The following PRR33 variants were observed in gnomAD, a reference collection of about 807,000 sequenced individuals.
The protein encoded by PRR33 is proline rich 33.
PRR33 carries 1 observed loss-of-function variant against 0.5 expected under a neutral mutation model. The observed-to-expected ratio is 2.18, with a 90% CI of 0.77 to 10.34. The LOEUF (loss-of-function observed/expected upper bound fraction) is 10.34, where lower values mean the gene tolerates loss of function less well. PRR33 is among the 30% of genes most tolerant of loss of function. The probability of loss-of-function intolerance (pLI) is 0.13; values close to 1 mark genes in which losing one functional copy is unlikely to be tolerated. For missense variants in PRR33, 552 were observed against 251.8 expected (o/e 2.19, Z -8.07); for synonymous variants, 226 against 110.0 (o/e 2.06, Z -6.60).
the PRR33 span, among the ~76,000 whole-genome samples, chr11:1,915,216 T>G: frequency 1.4e-5 from 2 of 141,470 alleles, no homozygotes; most frequent in South Asian, 4.6e-4. Context: ...GTGTGTGTCT[T>G]GTGGGGTGTA....
At chr11:1,910,299 G>T in the PRR33 span, among the ~76,000 whole-genome samples, 2 of 152,216 alleles carry the variant, frequency 1.3e-5, no homozygotes, top group African/African-American at 4.8e-5. Context: ...GCCCAGACTG[G>T]AGTGCAGTGG....
chr11:1,900,436 C>T, the PRR33 span, among the ~76,000 whole-genome samples: 40 of 152,062 alleles, frequency 2.6e-4, no homozygotes, highest in Admixed American at 2.6e-3. Context: ...ATTAGAGTTC[C>T]GGGAATTTTT....
the PRR33 span, among the ~76,000 whole-genome samples, chr11:1,907,124 G>C: frequency 6.6e-6 from 1 of 152,214 alleles, no homozygotes; most frequent in Non-Finnish European, 1.5e-5. Context: ...TGTCTGTTCT[G>C]TGTTGCTGTT....
At chr11:1,912,975 A>G in the PRR33 span, among the ~76,000 whole-genome samples, 3 of 151,800 alleles carry the variant, frequency 2.0e-5, no homozygotes, top group South Asian at 4.2e-4. Context: ...TTAACCTCCT[A>G]TGTTTCTTAT....
At position 1,890,175 on chromosome 11, in the gene PRR33, G is replaced by A. The variant is rs1399995018; in HGVS notation, c.410C>T (p.Thr137Ile). The change falls in exon 1 of 1, where the codon ACC becomes ATC. Residue 137 changes from threonine to isoleucine, a missense_variant. Thr to Ile is a moderately conservative substitution (Grantham distance 89). Coordinates refer to ENST00000640310, the Ensembl canonical transcript of PRR33. ...TTGAGCAGCTAGAATCCTGCGCTGG[G>A]TGAGGCCGATGGAGAACGTGGACTT... 8 of 717,006 alleles carry A rather than the reference G, an allele frequency of 1.1e-5. No individual in the cohort carries two copies. The African/African-American group carries it at 1.4e-4, about 13-fold the overall frequency. The allele number at this position is 717,006 out of a possible 1,614,324, so 44.4% of individuals were successfully genotyped here. A position where few individuals can be genotyped will look rare whatever the true frequency, so the allele number is the denominator to read the frequency against.
At chr11:1,907,045 C>T in the PRR33 span, among the ~76,000 whole-genome samples, 2 of 152,250 alleles carry the variant, frequency 1.3e-5, no homozygotes, top group Non-Finnish European at 2.9e-5. Flanking sequence ...GAGGCCAATT[C>T]CCAGCCCGGG....
At chr11:1,897,515 G>A in the PRR33 span, among the ~76,000 whole-genome samples, 2 of 152,190 alleles carry the variant, frequency 1.3e-5, no homozygotes, top group Non-Finnish European at 2.9e-5. This position sits in a 1 kb window ranked among gnomAD's most constrained non-coding sequence, Gnocchi z 4.0. Flanking sequence ...ATGGTGTTGC[G>A]TTTAGCTTGC....
the PRR33 span, among the ~76,000 whole-genome samples, chr11:1,917,161 G>A: frequency 6.7e-6 from 1 of 150,162 alleles, no homozygotes; most frequent in African/African-American, 2.4e-5. Context: ...GGCAGTGATT[G>A]AGCCCACAGC....
the PRR33 span, among the ~76,000 whole-genome samples, chr11:1,913,809 G>A: frequency 1.8e-4 from 28 of 152,334 alleles, no homozygotes; most frequent in African/African-American, 5.3e-4. Context: ...AGTCCTAGAC[G>A]CCTCACCCCG....
the PRR33 span, among the ~76,000 whole-genome samples, chr11:1,901,612 A>C: frequency 1.3e-5 from 2 of 152,194 alleles, no homozygotes; most frequent in Non-Finnish European, 2.9e-5. Context: ...CCTTCAAAAA[A>C]GATAACTCTT....
At chr11:1,905,998 T>C in the PRR33 span, among the ~76,000 whole-genome samples, 3 of 151,212 alleles carry the variant, frequency 2.0e-5, no homozygotes, top group African/African-American at 4.9e-5. Context: ...TATTTTTTTT[T>C]TTTTTTTTGG....
the PRR33 span, among the ~76,000 whole-genome samples, chr11:1,906,559 T>C: frequency 0.04 from 6,093 of 152,268 alleles, 160 homozygotes; most frequent in African/African-American, 0.068. Context: ...TGTTCTGGAA[T>C]GTAGCTGTTT....
At chr11:1,889,593 T>C (rs565122998) in exon 1 of PRR33, 5 of 611,818 alleles carry the variant, frequency 8.2e-6, no homozygotes, top group African/African-American at 1.9e-5. Context: ...GGGTGCAACT[T>C]TGGGGACAGG....
chr11:1,894,247 G>GTA (rs1490568762), upstream of PRR33, among the ~76,000 whole-genome samples: 1 of 150,728 alleles, frequency 6.6e-6, no homozygotes, highest in African/African-American at 2.4e-5. Flanking sequence ...GTGTGTGTGT[G>GTA]TGTGTGTCAG....
the PRR33 span, among the ~76,000 whole-genome samples, chr11:1,913,697 C>A: frequency 1.3e-5 from 2 of 152,260 alleles, no homozygotes; most frequent in African/African-American, 2.4e-5. Context: ...GGGGCATTCT[C>A]GTGTCCATGG....
At chr11:1,900,768 C>T in the PRR33 span, among the ~76,000 whole-genome samples, 8 of 152,138 alleles carry the variant, frequency 5.3e-5, no homozygotes, top group Non-Finnish European at 1.0e-4. Context: ...ATATTAATGA[C>T]GTATTCACAA....
exon 1 of PRR33, chr11:1,891,022 G>A (rs777935138): frequency 3.6e-5 from 6 of 164,576 alleles, no homozygotes; most frequent in Non-Finnish European, 8.0e-5. Flanking sequence ...CTGGAAGAGC[G>A]GCTGCCCCCA....
At chr11:1,913,975 T>C in the PRR33 span, among the ~76,000 whole-genome samples, 1 of 152,266 alleles carries the variant, frequency 6.6e-6, no homozygotes, top group African/African-American at 2.4e-5. Context: ...GTGCCCAGCA[T>C]AGCTGCTTGC....
chr11:1,913,442 G>A, the PRR33 span, among the ~76,000 whole-genome samples: 74 of 152,048 alleles, frequency 4.9e-4, no homozygotes, highest in African/African-American at 1.6e-3. Context: ...CACCGCGCCC[G>A]GCCCCCGCTT....
Sources: allele counts gnomAD v4.1 joint callset (sites outside exome capture counted in the v4.1 genomes callset), GRCh38; gene constraint gnomAD v4.1.1; non-coding constraint Gnocchi (gnomAD v3.1); transcripts MANE v1.5; gene names NCBI Gene and HGNC (gene_info 2026-07-23, HGNC 2026-07-21).